Variants in TNN observed in about 807,000 individuals in gnomAD.
TNN encodes tenascin N.
A neutral mutation model predicts 134.4 loss-of-function variants in TNN; 122 were observed. The observed-to-expected ratio is 0.91, with a 90% CI of 0.78 to 1.06. The LOEUF (loss-of-function observed/expected upper bound fraction) is 1.06, where lower values mean the gene tolerates loss of function less well. Ranked by LOEUF, TNN falls within the 50% of genes least tolerant of loss-of-function variation. TNN has a pLI of 0.00. For synonymous variants in TNN, 710 were observed against 670.3 expected (o/e 1.06, Z -0.91); for missense variants, 1,739 against 1,699.4 (o/e 1.02, Z -0.41).
intron 1 of TNN, 56 bp downstream of exon 1, chr1:175,067,991 C>A (rs1574134351): frequency 4.4e-6 from 2 of 455,720 alleles, no homozygotes; most frequent in East Asian, 1.4e-4. Flanking sequence ...GTGGCCAATG[C>A]AGATGAGCTC....
rs373025246 is a variant in TNN, at chr1:175,104,515, C to T, written c.2119+5920C>T. 4.9e-4 allele frequency among the ~76,000 whole-genome samples: 72 copies of T among 145,716 alleles called. 11 individuals are homozygous for T. The Middle Eastern group carries it at 0.011, about 22-fold the overall frequency. On this transcript the variant is annotated intron_variant, in intron 9 of 18. Transcript: ENST00000239462. ...CTAGTAAACCGCACTGATAACAAGC[C>T]GTACCAGGTGATTGGCCTGCTCCAT...
chr1:175,097,027 T>C (rs887432804), intron 7 of TNN, among the ~76,000 whole-genome samples: 1 of 152,236 alleles, frequency 6.6e-6, no homozygotes, highest in Admixed American at 6.5e-5. Flanking sequence ...TCAAAGAACA[T>C]ATTAGAGCAG....
chr1:175,134,956 C>T (rs1417883943), intron 15 of TNN, among the ~76,000 whole-genome samples: 1 of 152,180 alleles, frequency 6.6e-6, no homozygotes, highest in African/African-American at 2.4e-5. Context: ...CCTGGACCAA[C>T]GTCTTCAACA....
intron 17 of TNN, among the ~76,000 whole-genome samples, chr1:175,141,835 T>C (rs1185160586): frequency 3.3e-5 from 5 of 152,116 alleles, no homozygotes; most frequent in Admixed American, 1.3e-4. Context: ...TCATTCTCAC[T>C]CTCTACACTC....
intron 10 of TNN, among the ~76,000 whole-genome samples, chr1:175,117,755 T>C (rs1248915103): frequency 6.6e-6 from 1 of 152,024 alleles, no homozygotes; most frequent in Non-Finnish European, 1.5e-5. Context: ...GAAGGGGAAA[T>C]AGTAATAGGA....
At chr1:175,108,876 C>T (rs987768842) in intron 9 of TNN, among the ~76,000 whole-genome samples, 2 of 150,826 alleles carry the variant, frequency 1.3e-5, no homozygotes, top group Non-Finnish European at 3.0e-5. Flanking sequence ...GAGTGGGCTC[C>T]AGCCTTGGCC....
In TNN at chr1:175,118,566, G is replaced by C. The variant is rs1314224187; in HGVS notation, c.2392G>C (p.Asp798His). The stretch of plus-strand genomic sequence containing the variant: ...GTCAGCATTTTTTTTTTCAGACATT[G>C]ACAGCCCCCAAAACCTGGTCACTGA... Reference protein sequence around the residue: ...KADTKAQTDIDSPQNLVTDWV... With the variant: ...KADTKAQTDIHSPQNLVTDWV... The change falls in exon 11 of 19, where the codon GAC becomes CAC. Residue 798 changes from aspartate (D) to histidine (H), a missense_variant. Asp to His is a moderately conservative substitution (Grantham distance 81). Coordinates refer to ENST00000239462, the MANE Select transcript of TNN (RefSeq NM_022093.2). 1 of 1,611,410 alleles carries C rather than the reference G, an allele frequency of 6.2e-7. No homozygotes were observed. Among genetic ancestry groups the C allele is most frequent in the South Asian group, 1.1e-5 (1 of 90,474 alleles).
At chr1:175,088,237 C>T (rs1194293064) in intron 6 of TNN, among the ~76,000 whole-genome samples, 6 of 152,124 alleles carry the variant, frequency 3.9e-5, no homozygotes, top group African/African-American at 1.4e-4. Context: ...CCTCTAATCA[C>T]AATGTTGGTT....
chr1:175,126,431 A>G (rs542323073), intron 12 of TNN, among the ~76,000 whole-genome samples: 2 of 152,172 alleles, frequency 1.3e-5, no homozygotes, highest in South Asian at 2.1e-4. Context: ...CTTAATTTCA[A>G]TCATAAGCCC....
intron 12 of TNN, among the ~76,000 whole-genome samples, chr1:175,126,118 T>TTTC (rs1675523591): frequency 1.3e-5 from 2 of 150,178 alleles, no homozygotes; most frequent in African/African-American, 4.9e-5. Flanking sequence ...TTTTTTTTTT[T>TTTC]TAAGACAGAG....
At chr1:175,111,416 G>T (rs916996518) in intron 9 of TNN, among the ~76,000 whole-genome samples, 6 of 141,464 alleles carry the variant, frequency 4.2e-5, no homozygotes, top group Non-Finnish European at 7.6e-5. Flanking sequence ...GAACCCAGGA[G>T]ATGGAGGTCG....
In TNN at chr1:175,128,708, G is replaced by A. The variant is rs1675597170; in HGVS notation, c.3292G>A (p.Val1098Met). The change falls in exon 15 of 19, where the codon GTG (valine) becomes ATG (methionine). Residue 1098 changes from valine to methionine, a missense_variant. Coordinates refer to ENST00000239462, the MANE Select transcript of TNN (RefSeq NM_022093.2). ...LHGDASRPLQ[V>M]YCDMETDGGG... ...TGGCGATGCCAGCCGGCCCCTGCAG[G>A]TGTACTGTGACATGGAAACGGACGG... The A allele has an allele frequency of 7.4e-6, 12 of 1,614,020 alleles. No individual in the cohort carries two copies. Among genetic ancestry groups the A allele is most frequent in the Non-Finnish European group, 1.0e-5 (12 of 1,179,928 alleles).
intron 1 of TNN, among the ~76,000 whole-genome samples, chr1:175,068,655 C>A (rs1673850656): frequency 6.6e-6 from 1 of 152,152 alleles, no homozygotes; most frequent in South Asian, 2.1e-4. Flanking sequence ...GCCTGTAATC[C>A]CAGCACTTTG....
At chr1:175,109,120 C>T (rs550037170) in intron 9 of TNN, among the ~76,000 whole-genome samples, 81 of 91,364 alleles carry the variant, frequency 8.9e-4, no homozygotes, top group Non-Finnish European at 1.4e-3. Flanking sequence ...CTCGCTCTGT[C>T]GCCCAGGCCG....
chr1:175,124,699 A>G (rs1423191186), intron 12 of TNN, among the ~76,000 whole-genome samples: 4 of 149,496 alleles, frequency 2.7e-5, no homozygotes. Flanking sequence ...AAACAAACAA[A>G]CAAACAAACA....
intron 5 of TNN, 109 bp downstream of exon 5, chr1:175,084,044 A>G (rs1267889656): frequency 1.8e-6 from 2 of 1,132,224 alleles, no homozygotes; most frequent in Non-Finnish European, 2.5e-6. Context: ...CAGACAGCCC[A>G]GGGGCCTTAG....
intron 15 of TNN, among the ~76,000 whole-genome samples, chr1:175,132,079 C>T (rs1476062): frequency 0.22 from 34,065 of 151,900 alleles, 4,274 homozygotes; most frequent in East Asian, 0.43. Context: ...GTGGTGGGAA[C>T]GTGATTTGAC....
chr1:175,079,219 G>C, intron 2 of TNN, 114 bp from the exon 3 acceptor site: 340 of 1,145,040 alleles, frequency 3.0e-4, no homozygotes, highest in East Asian at 9.4e-4. Flanking sequence ...GAAATCACCA[G>C]ACCCTTAAGA....
At position 175,117,016 on chromosome 1, in the gene TNN, G is replaced by A. The variant is rs200693573; in HGVS notation, c.2197G>A (p.Ala733Thr). The A allele has an allele frequency of 1.2e-6, 2 of 1,614,122 alleles. No homozygotes were observed. Among genetic ancestry groups the A allele is most frequent in the Non-Finnish European group, 1.7e-6 (2 of 1,180,050 alleles). The change falls in exon 10 of 19, where the codon GCC becomes ACC. Residue 733 changes from alanine (A) to threonine (T), a missense_variant. Coordinates refer to ENST00000239462, the MANE Select transcript of TNN (RefSeq NM_022093.2). ...CACTGTCTCCTGGGACCCGGTGCGG[G>A]CCACCATTGACAGGTATGTGGTGCG... ...MATVSWDPVR[A>T]TIDRYVVRYT...
Sources: allele counts gnomAD v4.1 joint callset (sites outside exome capture counted in the v4.1 genomes callset), GRCh38; gene constraint gnomAD v4.1.1; transcripts MANE v1.5; gene names NCBI Gene and HGNC (gene_info 2026-07-23, HGNC 2026-07-21).